Variants in KIF5A observed in about 807,000 individuals in gnomAD.
KIF5A encodes kinesin family member 5A.
KIF5A carries 35 observed loss-of-function variants against 141.3 expected under a neutral mutation model. That is an observed-to-expected ratio of 0.25 (90% CI 0.19 to 0.33). KIF5A has a LOEUF of 0.33. KIF5A is among the 10% of genes least tolerant of loss of function. The probability of loss-of-function intolerance (pLI) is 1.00; values close to 1 mark genes in which losing one functional copy is unlikely to be tolerated. For synonymous variants in KIF5A, 448 were observed against 500.2 expected (o/e 0.90, Z 1.39); for missense variants, 861 against 1,314.3 (o/e 0.66, Z 5.33).
rs1882158792 is a variant in KIF5A, at chr12:57,569,023, C to T, written c.775C>T (p.Leu259=). The T allele has an allele frequency of 1.9e-6, 3 of 1,613,938 alleles. No individual in the cohort carries two copies. Among genetic ancestry groups the T allele is most frequent in the African/African-American group, 2.7e-5 (2 of 74,888 alleles). ...LDEAKNINKS[L]SALGNVISAL... ...CGAGGCAAAGAATATCAACAAGTCA[C>T]TGTCAGCTCTGGGCAATGTGATCTC... Residue 259 remains leucine, a synonymous_variant, in exon 9 of 29, where the codon CTG becomes TTG. Transcript: ENST00000455537.
rs537001094 is a variant in KIF5A, at chr12:57,577,727, G to A, written c.2315G>A (p.Arg772Gln). Reference protein sequence around the residue: ...KLQELTFLYERHEQSKQDLKG... With the variant: ...KLQELTFLYEQHEQSKQDLKG... ...TCTTGCTACAGATTTCTGTACGAGC[G>A]ACATGAGCAGTCCAAGCAGGACCTC... The change falls in exon 21 of 29, where the codon CGA becomes CAA. Residue 772 changes from arginine (R) to glutamine (Q), a missense_variant. Coordinates refer to ENST00000455537, the MANE Select transcript of KIF5A (RefSeq NM_004984.4). The A allele has an allele frequency of 6.2e-6, 10 of 1,613,884 alleles. No individual in the cohort carries two copies. The highest frequency in any genetic ancestry group is 8.5e-6 in the Non-Finnish European group (10 of 1,179,808).
intron 19 of KIF5A, 30 bp from the exon 20 acceptor site, chr12:57,576,731 C>T (rs1236666506): frequency 1.3e-6 from 2 of 1,508,316 alleles, no homozygotes; most frequent in Non-Finnish European, 1.8e-6. Context: ...TCTTTCTCCC[C>T]CATCTCCATT....
At chr12:57,569,814 C>A in intron 11 of KIF5A, 131 bp downstream of exon 11, 1 of 1,436,198 alleles carries the variant, frequency 7.0e-7, no homozygotes, top group Non-Finnish European at 9.4e-7. Flanking sequence ...TGGACAGGTG[C>A]AGTAGAGCAG....
In KIF5A at chr12:57,572,070, T is replaced by G. The variant is rs886042524; in HGVS notation, c.1372T>G (p.Ser458Ala). The G allele has an allele frequency of 6.2e-7, 1 of 1,613,112 alleles. No homozygotes were observed. Among genetic ancestry groups the G allele is most frequent in the Non-Finnish European group, 8.5e-7 (1 of 1,179,956 alleles). Residue 458 changes from serine to alanine, a missense_variant, in exon 14 of 29, where the codon TCC (serine) becomes GCC (alanine). Ser to Ala is a moderately conservative substitution (Grantham distance 99). Around this residue, in one of 5 missense-constraint regions of KIF5A, gnomAD observed 167 missense variants for 192.0 expected, o/e 0.87. Transcript: ENST00000455537. This position sits in a 1 kb window ranked among gnomAD's most constrained non-coding sequence, Gnocchi z 4.2. ...QMLDQEELLV[S>A]TRGDNEKVQR... ...CTCCTCTCCCTTGAAGCTGCTGGTG[T>G]CCACCCGAGGAGACAACGAGAAGGT...
Position 57,572,009 on chromosome 12 carries a change from G to C in KIF5A, c.1363-52G>C. The C allele has an allele frequency of 6.6e-7, 1 of 1,525,748 alleles. No homozygotes were observed. 94.5% of individuals were successfully genotyped at this position (1,525,748 alleles called of 1,614,324 possible). On this transcript the variant is annotated intron_variant, in intron 13 of 28. Transcript: ENST00000455537. This position sits in a 1 kb window ranked among gnomAD's most constrained non-coding sequence, Gnocchi z 4.2. ...TCAGCTTCCCAGACCCAAGGCCATA[G>C]AAATGGTCACTGGCAGTGATCTTTC...
At chr12:57,569,507 T>C (rs563616818) in intron 10 of KIF5A, 28 bp from the exon 11 acceptor site, 1 of 1,614,070 alleles carries the variant, frequency 6.2e-7, no homozygotes, top group African/African-American at 1.3e-5. Context: ...GTTGCTCTCA[T>C]TTCTTTGTTC....
At chr12:57,558,159 C>A (rs1181115296) in intron 1 of KIF5A, among the ~76,000 whole-genome samples, 1 of 152,200 alleles carries the variant, frequency 6.6e-6, no homozygotes, top group East Asian at 1.9e-4. Context: ...GTAATCTAAG[C>A]ACTTTGAGGC....
At position 57,572,273 on chromosome 12, in the gene KIF5A, T is replaced by C. The variant is rs1191410072; in HGVS notation, c.1569+6T>C. On this transcript the variant is annotated splice_donor_region_variant and intron_variant, in intron 14 of 28. Transcript: ENST00000455537. This position sits in a 1 kb window ranked among gnomAD's most constrained non-coding sequence, Gnocchi z 4.2. Reference sequence around the variant, plus strand: ...ATGAGCTGTCTCAGAAGGTGGTAAGTGGTGTGCCAATGGTCCAACAGCTCC... The same window carrying C: ...ATGAGCTGTCTCAGAAGGTGGTAAGCGGTGTGCCAATGGTCCAACAGCTCC... 1.9e-6 allele frequency: 3 copies of C among 1,577,882 alleles called. No homozygotes were observed. Among genetic ancestry groups the C allele is most frequent in the Non-Finnish European group, 2.6e-6 (3 of 1,161,580 alleles).
intron 23 of KIF5A, 38 bp downstream of exon 23, chr12:57,578,380 G>T (rs1882494702): frequency 4.2e-6 from 6 of 1,427,452 alleles, no homozygotes; most frequent in Non-Finnish European, 5.9e-6. Flanking sequence ...AATTTTTGAG[G>T]CCGGGTAGCT....
chr12:57,576,473 C>T (rs1882429957), intron 19 of KIF5A, 95 bp downstream of exon 19: 1 of 951,044 alleles, frequency 1.1e-6, no homozygotes, highest in South Asian at 1.4e-5. Context: ...TCTTTAACAT[C>T]CATGTGTCAT....
rs892271773 is a variant in KIF5A at position 57,550,613 on chromosome 12, G to A, written c.129+213G>A. ...CCGAGTCTCTGCAGAGTGGCAGGGG[G>A]CTGCTTTCCTACCTTCGGGAGATCC... On this transcript the variant is annotated intron_variant, in intron 1 of 28. Transcript: ENST00000455537. This position sits in a 1 kb window ranked among gnomAD's most constrained non-coding sequence, Gnocchi z 4.6. Among the ~76,000 whole-genome samples the A allele has an allele frequency of 6.6e-6, 1 of 152,188 alleles. No homozygotes were observed. The highest frequency in any genetic ancestry group is 1.5e-5 in the Non-Finnish European group (1 of 68,032).
Position 57,576,822 on chromosome 12 carries a change from A to C in KIF5A, c.2260A>C (p.Ser754Arg). 1 of 1,613,964 alleles carries C rather than the reference A, an allele frequency of 6.2e-7. No individual in the cohort carries two copies. The highest frequency in any genetic ancestry group is 8.5e-7 in the Non-Finnish European group (1 of 1,179,902). ...TCAGGCTGACTACGAGAAGCTGAAG[A>C]GCGAAGAACACGAGAAGAGCACCAA... ...KLQADYEKLK[S>R]EEHEKSTKLQ... The change falls in exon 20 of 29, where the codon AGC (serine) becomes CGC (arginine). Residue 754 changes from serine (S) to arginine (R), a missense_variant. Around this residue, in one of 5 missense-constraint regions of KIF5A, gnomAD observed 482 missense variants for 661.3 expected, o/e 0.73. Transcript: ENST00000455537.
At position 57,550,710 on chromosome 12, in the gene KIF5A, C is replaced by T. The variant is rs73346031; in HGVS notation, c.129+310C>T. 0.027 allele frequency among the ~76,000 whole-genome samples: 4,039 copies of T among 152,226 alleles called. 184 individuals carry two copies. Among genetic ancestry groups the T allele is most frequent in the African/African-American group, 0.093 (3,855 of 41,516 alleles). On this transcript the variant is annotated intron_variant, in intron 1 of 28. Transcript: ENST00000455537. The surrounding 1 kb of genome is among the most constrained non-coding windows in gnomAD (Gnocchi z 4.6). ...GTCCCATGTTTTTCTGATGTTTTCCCCTTCTCCACCACCCGCTCCCCAAGA... is the reference window on the plus strand; with the variant it reads ...GTCCCATGTTTTTCTGATGTTTTCCTCTTCTCCACCACCCGCTCCCCAAGA...
intron 1 of KIF5A, among the ~76,000 whole-genome samples, chr12:57,558,593 G>A (rs1321841464): frequency 1.3e-5 from 2 of 152,228 alleles, no homozygotes; most frequent in African/African-American, 4.8e-5. Context: ...AGAACTGCTT[G>A]AGCCCGGGAG....
chr12:57,579,963 G>C (rs1457173069), intron 23 of KIF5A, among the ~76,000 whole-genome samples: 1 of 152,136 alleles, frequency 6.6e-6, no homozygotes, highest in Non-Finnish European at 1.5e-5. Context: ...TACCTCAGCA[G>C]ACACAAGAGT....
chr12:57,570,959 A>ATT (rs58715013), intron 12 of KIF5A, among the ~76,000 whole-genome samples: 3 of 129,366 alleles, frequency 2.3e-5, no homozygotes, highest in Admixed American at 1.6e-4. Context: ...CGCCCAGCTA[A>ATT]TTTTTTTTTT....
At chr12:57,575,029 C>T in intron 15 of KIF5A, 55 bp from the exon 16 acceptor site, 1 of 1,548,574 alleles carries the variant, frequency 6.5e-7, no homozygotes, top group Non-Finnish European at 8.9e-7. Flanking sequence ...TGGGAGGGAA[C>T]AGATAAAGCT....
At chr12:57,583,296 C>CTT (rs1254768072) in intron 28 of KIF5A, 81 bp downstream of exon 28, 6 of 778,008 alleles carry the variant, frequency 7.7e-6, no homozygotes, top group Admixed American at 7.3e-5. Flanking sequence ...CCTGCTGCTG[C>CTT]TTCTTTTTTT....
chr12:57,564,898 C>T lies in KIF5A; in HGVS notation c.446-20C>T. 1 of 1,613,480 alleles carries T rather than the reference C, an allele frequency of 6.2e-7. No individual in the cohort carries two copies. The highest frequency in any genetic ancestry group is 8.5e-7 in the Non-Finnish European group (1 of 1,179,470). On this transcript the variant is annotated intron_variant, in intron 5 of 28. Transcript: ENST00000455537. ...CGGTGGAAGTACTAGTCTTGCTTAC[C>T]CTGCATTCTTTTGATTCAGTGACCA... is the stretch of plus-strand genomic sequence containing the variant.
Sources: gnomAD v4.1 joint callset for allele counts (sites outside exome capture counted in the v4.1 genomes callset) on GRCh38, gnomAD v4.1.1 for gene constraint, gnomAD v4.1.1 regional missense constraint, Gnocchi (gnomAD v3.1) non-coding constraint, MANE v1.5 for transcripts, NCBI Gene and HGNC (gene_info 2026-07-23, HGNC 2026-07-21) for gene names.